Variants in EIF2AK3 observed in about 807,000 individuals in gnomAD.
The protein encoded by EIF2AK3 is eukaryotic translation initiation factor 2-alpha kinase 3.
In EIF2AK3, 50 loss-of-function variants were observed where a neutral mutation model predicts 113.5. That is an observed-to-expected ratio of 0.44 (90% confidence interval 0.35 to 0.56). The LOEUF is 0.56. Among genes scored for constraint, EIF2AK3 ranks in the 20% least tolerant of loss-of-function variants. The pLI, the probability that EIF2AK3 is intolerant of heterozygous loss-of-function variation, is 0.00. For synonymous variants in EIF2AK3, 448 were observed against 495.4 expected (o/e 0.90, Z 1.27); for missense variants, 1,185 against 1,378.0 (o/e 0.86, Z 2.22).
chr2:88,578,945 G>A (rs981461598), intron 11 of EIF2AK3, among the ~76,000 whole-genome samples: 9 of 151,868 alleles, frequency 5.9e-5, no homozygotes, highest in Admixed American at 2.6e-4. Flanking sequence ...AATATGGCAC[G>A]TGTATTAAAT....
chr2:88,575,769 G>A (rs895674937), intron 12 of EIF2AK3, among the ~76,000 whole-genome samples: 1 of 152,170 alleles, frequency 6.6e-6, no homozygotes, highest in African/African-American at 2.4e-5. Context: ...AACCTAAAAG[G>A]GCAGCGCCTC....
At chr2:88,598,949 C>T (rs1297056945) in intron 2 of EIF2AK3, among the ~76,000 whole-genome samples, 1 of 151,076 alleles carries the variant, frequency 6.6e-6, no homozygotes, top group Non-Finnish European at 1.5e-5. Context: ...TGAGAGTGGG[C>T]AAGAGGACAC....
intron 16 of EIF2AK3, 41 bp downstream of exon 16, chr2:88,558,876 A>G (rs759322909): frequency 2.6e-5 from 39 of 1,490,908 alleles, no homozygotes; most frequent in Non-Finnish European, 3.6e-5. Flanking sequence ...TACGTTCTAA[A>G]GATGATTCTA....
At position 88,614,467 on chromosome 2, in the gene EIF2AK3, C is replaced by A. The variant is rs913423784; in HGVS notation, c.309-614G>T. ...GATTTCAGCTGCTGGTTTACTGTCA[C>A]CACCTAACATATTTAACATACTTCT... On this transcript the variant is annotated intron_variant, in intron 1 of 16. Coordinates refer to ENST00000303236, the MANE Select transcript of EIF2AK3 (RefSeq NM_004836.7). Among the ~76,000 whole-genome samples the A allele has an allele frequency of 1.1e-4, 17 of 152,300 alleles. 1 individual carries two copies. Among genetic ancestry groups the A allele is most frequent in the Admixed American group, 1.1e-3 (17 of 15,300 alleles).
In EIF2AK3 at chr2:88,557,508, G is replaced by A; in HGVS notation, c.*228C>T. ...GCTTGGCCAGCAGCCAGTTTCAAGA[G>A]ACTAACAAAGAACAAAGATAGCCCT... On this transcript the variant is annotated 3_prime_UTR_variant, in exon 17 of 17. Coordinates refer to ENST00000303236, the MANE Select transcript of EIF2AK3 (RefSeq NM_004836.7). 5.3e-6 allele frequency: 3 copies of A among 570,578 alleles called. No homozygotes were observed. In the South Asian group the frequency reaches 6.1e-5, roughly 12 times the overall value. The allele number at this position is 570,578 out of a possible 1,614,324, so 35.3% of individuals were successfully genotyped here.
chr2:88,581,454 TCAC>T (rs1468935319), intron 10 of EIF2AK3, among the ~76,000 whole-genome samples: 2 of 152,198 alleles, frequency 1.3e-5, no homozygotes, highest in African/African-American at 4.8e-5. Flanking sequence ...TCCTAGATCA[TCAC>T]AAACAGATTT....
chr2:88,591,090 T>A, intron 4 of EIF2AK3, 38 bp from the exon 5 acceptor site: 1 of 1,565,528 alleles, frequency 6.4e-7, no homozygotes, highest in Non-Finnish European at 8.8e-7. Context: ...AATTTACATT[T>A]AAAGAAAGGG....
At chr2:88,613,669 G>C in intron 2 of EIF2AK3, 55 bp downstream of exon 2, 1 of 1,601,530 alleles carries the variant, frequency 6.2e-7, no homozygotes, top group Non-Finnish European at 8.6e-7. Flanking sequence ...CTTAATATCA[G>C]CAATTACTCA....
At position 88,574,953 on chromosome 2, in the gene EIF2AK3, T is replaced by C. The variant is rs1393852682; in HGVS notation, c.2530A>G (p.Ser844Gly). ...GTAGCTTCAGAAGAAGATTTGCTAC[T>C]GGTGGGCTTGAAAGCAGTTAGTTTA... ...ANKLTAFKPT[S>G]SKSSSEATLS... The change falls in exon 13 of 17, where the codon AGT becomes GGT. Residue 844 changes from serine (S) to glycine (G), a missense_variant. Coordinates refer to ENST00000303236, the MANE Select transcript of EIF2AK3 (RefSeq NM_004836.7). The C allele has an allele frequency of 6.2e-7, 1 of 1,614,212 alleles. No individual in the cohort carries two copies. The highest frequency in any genetic ancestry group is 8.5e-7 in the Non-Finnish European group (1 of 1,180,030).
At chr2:88,621,312 A>C (rs529695683) in intron 1 of EIF2AK3, among the ~76,000 whole-genome samples, 17 of 152,228 alleles carry the variant, frequency 1.1e-4, no homozygotes, top group Non-Finnish European at 2.1e-4. Context: ...TCAAATTCTG[A>C]TAAGTGTATG....
intron 10 of EIF2AK3, 28 bp from the exon 11 acceptor site, chr2:88,579,668 GT>G: frequency 6.2e-7 from 1 of 1,602,362 alleles, no homozygotes; most frequent in Admixed American, 1.7e-5. Context: ...ATTTATAAAG[GT>G]TTGCAACAGT....
At chr2:88,619,330 C>A (rs1675662545) in intron 1 of EIF2AK3, among the ~76,000 whole-genome samples, 1 of 152,106 alleles carries the variant, frequency 6.6e-6, no homozygotes, top group South Asian at 2.1e-4. Context: ...ATAGAGCAGG[C>A]ATTTTCCTGT....
intron 7 of EIF2AK3, among the ~76,000 whole-genome samples, chr2:88,588,436 A>C (rs976044748): frequency 6.6e-6 from 1 of 152,332 alleles, no homozygotes; most frequent in South Asian, 2.1e-4. Flanking sequence ...TAACCAGATA[A>C]CTTTTGCCTA....
intron 14 of EIF2AK3, among the ~76,000 whole-genome samples, chr2:88,570,539 A>T (rs1305991964): frequency 6.6e-6 from 1 of 152,222 alleles, no homozygotes. Context: ...GCTGGCTCTG[A>T]AAACAGTTCC....
At chr2:88,593,782 G>C (rs1190975486) in intron 3 of EIF2AK3, 1 of 463,512 alleles carries the variant, frequency 2.2e-6, no homozygotes, top group East Asian at 1.4e-4. Context: ...TATAACAAAA[G>C]TGTTTGGTTT....
At chr2:88,595,107 C>T (rs1028145107) in intron 3 of EIF2AK3, among the ~76,000 whole-genome samples, 4 of 137,172 alleles carry the variant, frequency 2.9e-5, no homozygotes, top group Admixed American at 7.8e-5. Flanking sequence ...GCACAAGAAT[C>T]GCTTGAACCC....
intron 1 of EIF2AK3, among the ~76,000 whole-genome samples, chr2:88,625,191 A>G (rs541242328): frequency 1.1e-4 from 17 of 151,920 alleles, no homozygotes; most frequent in Admixed American, 8.5e-4. Flanking sequence ...GCATCAGACT[A>G]TATGCATATA....
intron 1 of EIF2AK3, among the ~76,000 whole-genome samples, chr2:88,619,351 T>C (rs910170865): frequency 6.6e-6 from 1 of 152,180 alleles, no homozygotes; most frequent in African/African-American, 2.4e-5. Context: ...TTGTACTACA[T>C]GTTCTACCTA....
Position 88,604,413 on chromosome 2 carries a change from T to C in EIF2AK3, c.439-8750A>G, listed in dbSNP as rs148300859. On this transcript the variant is annotated intron_variant, in intron 2 of 16. Transcript: ENST00000303236. ...TAATCCTCCCCCTCCTCTCTATCCA[T>C]CTCTTGCCTCAGTAACTCCTGATCA... Among the ~76,000 whole-genome samples, 175 of 152,262 alleles carry C rather than the reference T, an allele frequency of 1.1e-3. 1 individual carries two copies. The highest frequency in any genetic ancestry group is 4.0e-3 in the African/African-American group (165 of 41,566).
Sources: allele counts gnomAD v4.1 joint callset (sites outside exome capture counted in the v4.1 genomes callset), GRCh38; gene constraint gnomAD v4.1.1; transcripts MANE v1.5; gene names NCBI Gene and HGNC (gene_info 2026-07-23, HGNC 2026-07-21).